GPC5: variants seen among roughly 807,000 people sequenced by gnomAD.
GPC5 encodes the protein glypican-5.
Under a neutral mutation model 53.9 loss-of-function variants are expected in GPC5, and 47 were observed. The ratio of observed to expected loss-of-function variants is 0.87; its 90% CI spans 0.69 to 1.11. GPC5 has a LOEUF of 1.11. GPC5 is among the 50% of genes most tolerant of loss of function. GPC5 has a pLI of 0.00. For synonymous variants in GPC5, 286 were observed against 263.3 expected (o/e 1.09, Z -0.84); for missense variants, 748 against 713.1 (o/e 1.05, Z -0.56).
chr13:92,458,457 C>T (rs887025228), intron 7 of GPC5, among the ~76,000 whole-genome samples: 1 of 152,082 alleles, frequency 6.6e-6, no homozygotes, highest in Non-Finnish European at 1.5e-5. Context: ...TACCACCATG[C>T]CTGGCTAATT....
intron 7 of GPC5, among the ~76,000 whole-genome samples, chr13:92,186,554 A>C (rs1323615917): frequency 6.6e-6 from 1 of 152,024 alleles, no homozygotes; most frequent in East Asian, 1.9e-4. Context: ...ATGCTTAGTA[A>C]GGTTTTAAAA....
intron 7 of GPC5, among the ~76,000 whole-genome samples, chr13:92,555,060 T>G (rs1311862906): frequency 6.6e-6 from 1 of 151,474 alleles, no homozygotes; most frequent in Non-Finnish European, 1.5e-5. Context: ...CTTATAAAAT[T>G]AGATTATGGT....
At chr13:92,384,671 T>C (rs1299052648) in intron 7 of GPC5, among the ~76,000 whole-genome samples, 1 of 151,582 alleles carries the variant, frequency 6.6e-6, no homozygotes, top group African/African-American at 2.4e-5. Context: ...GCCTCACATA[T>C]AGCATTACCT....
chr13:91,565,437 G>T (rs2031485721), intron 2 of GPC5, among the ~76,000 whole-genome samples: 1 of 152,208 alleles, frequency 6.6e-6, no homozygotes, highest in South Asian at 2.1e-4. Flanking sequence ...ATGTACAGTT[G>T]TTAGGCAGAC....
intron 7 of GPC5, among the ~76,000 whole-genome samples, chr13:92,716,635 A>AAATT (rs1179221671): frequency 1.3e-5 from 2 of 152,248 alleles, no homozygotes; most frequent in South Asian, 4.1e-4. Flanking sequence ...CATTTTTTAT[A>AAATT]AATTAATGTA....
rs71120097 is a variant in GPC5, at chr13:92,349,453, C to CTTTT, written c.1561+204475_1561+204478dup. ...AGCCCCGCACCCAGCCAGGTTTTTT[C>CTTTT]TTTTTTTTTTTTTTAATTAATTTAT... On this transcript the variant is annotated intron_variant, in intron 7 of 7. Transcript: ENST00000377067. 7.0e-5 allele frequency among the ~76,000 whole-genome samples: 10 copies of CTTTT among 143,278 alleles called. No individual in the cohort carries two copies. In the East Asian group the frequency reaches 2.1e-3, roughly 30 times the overall value. The allele number at this position is 143,278 out of a possible 152,430, so 94.0% of individuals were successfully genotyped here.
At chr13:91,414,376 G>T (rs772277914) in intron 1 of GPC5, among the ~76,000 whole-genome samples, 27 of 152,226 alleles carry the variant, frequency 1.8e-4, no homozygotes, top group Non-Finnish European at 3.2e-4. Context: ...GGCCTCTCCA[G>T]CTATGCAGAA....
At chr13:92,751,154 C>CAT (rs746251830) in intron 7 of GPC5, among the ~76,000 whole-genome samples, 18 of 151,944 alleles carry the variant, frequency 1.2e-4, no homozygotes, top group Non-Finnish European at 2.4e-4. Context: ...AAGATGTAGA[C>CAT]ATTTTCTACC....
intron 7 of GPC5, among the ~76,000 whole-genome samples, chr13:92,649,119 T>C (rs1017301184): frequency 2.0e-5 from 3 of 152,230 alleles, no homozygotes; most frequent in African/African-American, 7.2e-5. Context: ...AAGCAGACAA[T>C]GGCATATTTC....
intron 7 of GPC5, among the ~76,000 whole-genome samples, chr13:92,204,146 A>G (rs1262122287): frequency 6.6e-6 from 1 of 152,238 alleles, no homozygotes; most frequent in East Asian, 1.9e-4. Context: ...TCTATTAAAT[A>G]CTAAAGGGAT....
At chr13:91,802,072 T>C (rs926683872) in intron 5 of GPC5, among the ~76,000 whole-genome samples, 1 of 152,236 alleles carries the variant, frequency 6.6e-6, no homozygotes, top group African/African-American at 2.4e-5. Flanking sequence ...TAGAGCAATA[T>C]TTAAGTTATC....
intron 6 of GPC5, among the ~76,000 whole-genome samples, chr13:92,052,364 A>G (rs2041037182): frequency 6.6e-6 from 1 of 152,178 alleles, no homozygotes; most frequent in Non-Finnish European, 1.5e-5. Context: ...GCACAGACCC[A>G]AAGAGTGAGC....
At chr13:92,684,486 G>T (rs1161444557) in intron 7 of GPC5, among the ~76,000 whole-genome samples, 2 of 151,960 alleles carry the variant, frequency 1.3e-5, no homozygotes, top group Non-Finnish European at 2.9e-5. Context: ...GGCCAGGCAG[G>T]TCTCGAACTC....
chr13:92,752,431 A>G (rs905022141), intron 7 of GPC5, among the ~76,000 whole-genome samples: 1 of 152,154 alleles, frequency 6.6e-6, no homozygotes, highest in Non-Finnish European at 1.5e-5. Context: ...AGTTGATGGA[A>G]TTGTTGTAAA....
chr13:92,702,778 A>G (rs1196591521), intron 7 of GPC5, among the ~76,000 whole-genome samples: 1 of 152,064 alleles, frequency 6.6e-6, no homozygotes, highest in African/African-American at 2.4e-5. Context: ...TCTCCATCTC[A>G]TTCAGAGAAA....
rs2041855906 is a variant in GPC5 at position 92,144,921 on chromosome 13, G to A, written c.1493G>A (p.Cys498Tyr). The A allele has an allele frequency of 6.3e-7, 1 of 1,598,882 alleles. No homozygotes were observed. Among genetic ancestry groups the A allele is most frequent in the Non-Finnish European group, 8.5e-7 (1 of 1,174,742 alleles). Residue 498 changes from cysteine (C) to tyrosine (Y), a missense_variant, in exon 7 of 8, where the codon TGT becomes TAT. Cys to Tyr is a radical substitution (Grantham distance 194). Coordinates refer to ENST00000377067, the MANE Select transcript of GPC5 (RefSeq NM_004466.6). ...ATGGTTGAACAAGTCAGTGGGGACT[G>A]TGATGATGAAGATGGTTGCGGGGGA... ...GGMVEQVSGD[C>Y]DDEDGCGGSG...
chr13:91,830,138 G>A (rs777985919), intron 5 of GPC5, among the ~76,000 whole-genome samples: 18 of 151,950 alleles, frequency 1.2e-4, no homozygotes, highest in Non-Finnish European at 2.1e-4. Context: ...AGACAGCCAC[G>A]CCCAGGGGGG....
intron 7 of GPC5, among the ~76,000 whole-genome samples, chr13:92,395,983 GTATCTGTGGA>G (rs148153360): frequency 0.033 from 4,913 of 148,120 alleles, 160 homozygotes; most frequent in East Asian, 0.11. Context: ...TGAGCTTTCT[GTATCTGTGGA>G]CTGATATCTA....
chr13:92,479,792 T>G (rs575279241), intron 7 of GPC5, among the ~76,000 whole-genome samples: 1 of 152,232 alleles, frequency 6.6e-6, no homozygotes, highest in Non-Finnish European at 1.5e-5. Flanking sequence ...AGCTGTTTTA[T>G]CCACATAACA....
Sources: allele counts gnomAD v4.1 joint callset (sites outside exome capture counted in the v4.1 genomes callset), GRCh38; gene constraint gnomAD v4.1.1; transcripts MANE v1.5; gene names NCBI Gene and HGNC (gene_info 2026-07-23, HGNC 2026-07-21).